TMLHE: variants seen among roughly 807,000 people sequenced by gnomAD.
TMLHE encodes trimethyllysine hydroxylase, epsilon.
TMLHE carries 18 observed loss-of-function variants against 25.7 expected under a neutral mutation model. The ratio of observed to expected loss-of-function variants is 0.70; its 90% CI spans 0.48 to 1.04. The LOEUF (loss-of-function observed/expected upper bound fraction) is 1.04, where lower values mean the gene tolerates loss of function less well. Ranked by LOEUF, TMLHE falls within the 50% of genes least tolerant of loss-of-function variation. The pLI, the probability that TMLHE is intolerant of heterozygous loss-of-function variation, is 0.00. For synonymous variants in TMLHE, 105 were observed against 97.0 expected (o/e 1.08, Z -0.49); for missense variants, 236 against 259.0 (o/e 0.91, Z 0.61).
At chrX:155,516,010 C>CTTTTTTTTTTTTTT (rs782343831) in intron 3 of TMLHE, among the ~76,000 whole-genome samples, 5 of 67,027 alleles carry the variant, frequency 7.5e-5, no homozygotes, top group Admixed American at 4.0e-4. Context: ...TTGTACTTTT[C>CTTTTTTTTTTTTTT]TTCTTTTTTT....
At position 155,525,667 on chromosome X, in the gene TMLHE, C is replaced by T. The variant is rs139441761; in HGVS notation, c.182-1035G>A. On this transcript the variant is annotated intron_variant, in intron 2 of 7. Transcript: ENST00000334398. ...TAGAGACTTCTTGAATAGTTTTGAC[C>T]AAAATGCTGATAGCGATGCAAACTG... 6.7e-4 allele frequency among the ~76,000 whole-genome samples: 75 copies of T among 111,938 alleles called. No homozygotes were observed. In the East Asian group the frequency reaches 0.02, roughly 29 times the overall value.
Position 155,524,535 on chromosome X carries a change from G to T in TMLHE, c.279C>A (p.Arg93=), listed in dbSNP as rs1423587639. 8.3e-7 allele frequency: 1 copy of T among 1,208,399 alleles called. No individual in the cohort carries two copies. Among genetic ancestry groups the T allele is most frequent in the Non-Finnish European group, 1.1e-6 (1 of 894,373 alleles). Residue 93 remains arginine (R), a synonymous_variant, in exon 3 of 8, where the codon CGC becomes CGA. Transcript: ENST00000334398. The stretch of plus-strand genomic sequence containing the variant: ...AATCCACACTGGCAGTATCCAGGCT[G>T]CGCTGGTGAGTCTTAGAGTTGTAGC... ...ASCYNSKTHQ[R]SLDTASVDLC... is the part of the protein sequence containing the mutation.
intron 5 of TMLHE, among the ~76,000 whole-genome samples, chrX:155,510,320 A>G (rs1354503077): frequency 9.4e-6 from 1 of 105,959 alleles, no homozygotes; most frequent in Non-Finnish European, 1.9e-5. Context: ...ACATATGTAT[A>G]CATGTGCCAT....
intron 1 of TMLHE, among the ~76,000 whole-genome samples, chrX:155,556,435 A>C (rs1557340827): frequency 9.0e-6 from 1 of 110,747 alleles, no homozygotes; most frequent in African/African-American, 3.3e-5. Context: ...GAGAAATTTT[A>C]AAGCTGGGCG....
intron 5 of TMLHE, among the ~76,000 whole-genome samples, chrX:155,507,637 T>C (rs1187925048): frequency 2.7e-5 from 3 of 109,697 alleles, no homozygotes; most frequent in East Asian, 2.9e-4. Context: ...TAGAAGGAGA[T>C]TGAGATGAGG....
intron 2 of TMLHE, among the ~76,000 whole-genome samples, chrX:155,525,481 GAACA>G (rs1282613832): frequency 4.8e-4 from 54 of 112,078 alleles, no homozygotes; most frequent in Middle Eastern, 4.6e-3. Flanking sequence ...AGCCATGTGA[GAACA>G]AACAAACACA....
chrX:155,526,278 G>A (rs1226311969), intron 2 of TMLHE, among the ~76,000 whole-genome samples: 1 of 112,896 alleles, frequency 8.9e-6, no homozygotes, highest in African/African-American at 3.2e-5. Flanking sequence ...AGCAGCTCCA[G>A]CTCTAGCCAT....
At chrX:155,545,351 G>T in intron 1 of TMLHE, 74 bp from the exon 2 acceptor site, 1 of 790,419 alleles carries the variant, frequency 1.3e-6, no homozygotes, top group Non-Finnish European at 1.8e-6. Flanking sequence ...TAACACTACA[G>T]ATATAATTAT....
intron 2 of TMLHE, among the ~76,000 whole-genome samples, chrX:155,531,766 G>A (rs1036711790): frequency 9.0e-6 from 1 of 111,487 alleles, no homozygotes; most frequent in East Asian, 2.8e-4. Context: ...CCAACCTGAT[G>A]CCTCAACTAG....
intron 1 of TMLHE, among the ~76,000 whole-genome samples, chrX:155,579,956 A>C (rs936905304): frequency 1.5e-4 from 17 of 110,677 alleles, no homozygotes; most frequent in African/African-American, 3.9e-4. Flanking sequence ...CAAGCAACAA[A>C]AAAAAAAAAA....
At position 155,541,743 on chromosome X, in the gene TMLHE, T is replaced by G. The variant is rs1320915991; in HGVS notation, c.181+3353A>C. Among the ~76,000 whole-genome samples the G allele has an allele frequency of 3.6e-5, 4 of 112,012 alleles. No homozygotes were observed. In the East Asian group the frequency reaches 1.1e-3, roughly 31 times the overall value. On this transcript the variant is annotated intron_variant, in intron 2 of 7. Coordinates refer to ENST00000334398, the MANE Select transcript of TMLHE (RefSeq NM_018196.4). ...ACTTTTTAATGATTGCCAATCTAAC[T>G]GATGTGAGATGATATCTCATTATGG...
At chrX:155,554,465 C>T (rs2067435388) in intron 1 of TMLHE, among the ~76,000 whole-genome samples, 1 of 110,906 alleles carries the variant, frequency 9.0e-6, no homozygotes, top group South Asian at 3.7e-4. Flanking sequence ...GTTCTATCGT[C>T]TTCATGTTGT....
intron 1 of TMLHE, among the ~76,000 whole-genome samples, chrX:155,570,386 G>A (rs1235350169): frequency 0.015 from 805 of 53,472 alleles, 136 homozygotes; most frequent in African/African-American, 0.034. Context: ...AATAATAATG[G>A]GAGACTTTAA....
chrX:155,577,275 T>C (rs182078870), intron 1 of TMLHE, among the ~76,000 whole-genome samples: 2 of 111,631 alleles, frequency 1.8e-5, no homozygotes, highest in African/African-American at 6.5e-5. Flanking sequence ...CACCAAATCA[T>C]TAGAAAAATG....
chrX:155,580,381 G>A (rs1374484193), intron 1 of TMLHE, among the ~76,000 whole-genome samples: 1 of 111,638 alleles, frequency 9.0e-6, no homozygotes, highest in Non-Finnish European at 1.9e-5. Flanking sequence ...CTTATACACT[G>A]TTGATGGGAA....
chrX:155,595,683 C>T (rs1351040979), intron 1 of TMLHE, among the ~76,000 whole-genome samples: 1 of 111,921 alleles, frequency 8.9e-6, no homozygotes, highest in Non-Finnish European at 1.9e-5. Context: ...TTGTGAAATA[C>T]CTTTTTATCT....
At chrX:155,532,359 T>C (rs2067253764) in intron 2 of TMLHE, among the ~76,000 whole-genome samples, 1 of 111,969 alleles carries the variant, frequency 8.9e-6, no homozygotes, top group Non-Finnish European at 1.9e-5. Flanking sequence ...TCCCTTCTAA[T>C]AGTCTTGAGC....
intron 1 of TMLHE, among the ~76,000 whole-genome samples, chrX:155,608,793 A>G (rs1429074947): frequency 8.9e-6 from 1 of 112,652 alleles, no homozygotes; most frequent in African/African-American, 3.2e-5. Flanking sequence ...GTCAACAAGC[A>G]TATGAAAAAA....
At chrX:155,547,398 C>G (rs1603047608) in intron 1 of TMLHE, among the ~76,000 whole-genome samples, 3 of 111,440 alleles carry the variant, frequency 2.7e-5, no homozygotes, top group African/African-American at 6.5e-5. Flanking sequence ...CCGCCTCAGC[C>G]TCCCAAAGTG....
Sources: gnomAD v4.1 joint callset for allele counts (sites outside exome capture counted in the v4.1 genomes callset) on GRCh38, gnomAD v4.1.1 for gene constraint, MANE v1.5 for transcripts, NCBI Gene and HGNC (gene_info 2026-07-23, HGNC 2026-07-21) for gene names.